The following FAT3 variants were observed in gnomAD, a reference collection of about 807,000 sequenced individuals.
FAT3 encodes FAT atypical cadherin 3, also known as protocadherin Fat 3.
FAT3 carries 95 observed loss-of-function variants against 310.2 expected under a neutral mutation model. The observed-to-expected ratio is 0.31, with a 90% CI of 0.26 to 0.36. The LOEUF is 0.36. FAT3 is among the 10% of genes least tolerant of loss of function. The pLI is 1.00. For missense variants in FAT3, 5,408 were observed against 5,715.6 expected, an observed-to-expected ratio of 0.95 and a Z score of 1.74; for synonymous variants, 2,314 against 2,192.9, an observed-to-expected ratio of 1.06 and a Z score of -1.54.
intron 1 of FAT3, among the ~76,000 whole-genome samples, chr11:92,286,331 T>G (rs141755812): frequency 1.3e-5 from 2 of 152,258 alleles, no homozygotes; most frequent in East Asian, 3.9e-4. Context: ...ATTCCAAATT[T>G]CATGTTGCAG....
intron 1 of FAT3, among the ~76,000 whole-genome samples, chr11:92,339,901 A>G (rs1365816272): frequency 2.0e-5 from 3 of 152,094 alleles, no homozygotes; most frequent in Non-Finnish European, 4.4e-5. Context: ...TCACGAGGTC[A>G]GGAGATCGAG....
chr11:92,723,089 G>T (rs1373344441), intron 4 of FAT3, among the ~76,000 whole-genome samples: 1 of 152,106 alleles, frequency 6.6e-6, no homozygotes, highest in Non-Finnish European at 1.5e-5. Context: ...TCAGAAAATG[G>T]GATTTTCTTT....
At chr11:92,696,031 T>C (rs977860239) in intron 3 of FAT3, among the ~76,000 whole-genome samples, 1 of 152,168 alleles carries the variant, frequency 6.6e-6, no homozygotes. Context: ...ATAAGTATTG[T>C]AGGTGATGGA....
At chr11:92,852,874 C>T (rs1218962900) in intron 19 of FAT3, among the ~76,000 whole-genome samples, 2 of 152,178 alleles carry the variant, frequency 1.3e-5, no homozygotes, top group Non-Finnish European at 2.9e-5. Flanking sequence ...AGGCTGAGCT[C>T]CAGTTGCTGG....
chr11:92,781,974 T>C (rs1326772841), intron 7 of FAT3, among the ~76,000 whole-genome samples: 1 of 152,132 alleles, frequency 6.6e-6, no homozygotes, highest in East Asian at 1.9e-4. Flanking sequence ...TGTGATTTTG[T>C]GGTTTTAATG....
intron 3 of FAT3, chr11:92,559,665 T>G (rs1300666641): frequency 6.0e-6 from 1 of 167,306 alleles, no homozygotes; most frequent in Non-Finnish European, 1.3e-5. Flanking sequence ...CATGAGCCAC[T>G]GTGCCCAGCC....
At chr11:92,797,575 G>A (rs2136175699) in intron 9 of FAT3, among the ~76,000 whole-genome samples, 1 of 152,290 alleles carries the variant, frequency 6.6e-6, no homozygotes, top group South Asian at 2.1e-4. Flanking sequence ...ACATAAGACT[G>A]TGTCATTGTC....
chr11:92,464,974 T>A (rs1951725131), intron 2 of FAT3, among the ~76,000 whole-genome samples: 1 of 152,172 alleles, frequency 6.6e-6, no homozygotes, highest in Non-Finnish European at 1.5e-5. Flanking sequence ...TGCATTTTAA[T>A]TTACTATACA....
At chr11:92,616,882 C>T (rs1940837941) in intron 3 of FAT3, among the ~76,000 whole-genome samples, 1 of 152,140 alleles carries the variant, frequency 6.6e-6, no homozygotes, top group Non-Finnish European at 1.5e-5. Flanking sequence ...TCGGTAACCC[C>T]CACCTTTCTC....
At chr11:92,791,402 C>T (rs935024891) in intron 8 of FAT3, among the ~76,000 whole-genome samples, 2 of 152,188 alleles carry the variant, frequency 1.3e-5, no homozygotes, top group African/African-American at 4.8e-5. Context: ...CAGGGAAATT[C>T]AGCATATTCA....
chr11:92,852,924 G>A (rs1441700789), intron 19 of FAT3, among the ~76,000 whole-genome samples: 2 of 152,186 alleles, frequency 1.3e-5, no homozygotes, highest in East Asian at 3.8e-4. Flanking sequence ...CAGGAGATAT[G>A]GGTAAGAAAG....
intron 4 of FAT3, among the ~76,000 whole-genome samples, chr11:92,712,523 G>T (rs1185530379): frequency 1.3e-5 from 2 of 151,996 alleles, no homozygotes; most frequent in African/African-American, 4.8e-5. Context: ...CTTAATGACT[G>T]TTTTTGTTTT....
At position 92,837,646 on chromosome 11, in the gene FAT3, T is replaced by A. The variant is rs11020075; in HGVS notation, c.10225-17T>A. On this transcript the variant is annotated splice_polypyrimidine_tract_variant and intron_variant, in intron 16 of 27. Transcript: ENST00000525166. ...AGCGCTACACCTCTTTACTGTCACC[T>A]CTTTGTACCTTGGCAGGTGTCTGGA... The A allele has an allele frequency of 0.4, 642,649 of 1,610,912 alleles. 129,128 individuals are homozygous for A. Among genetic ancestry groups the A allele is most frequent in the East Asian group, 0.48 (21,602 of 44,776 alleles).
intron 19 of FAT3, among the ~76,000 whole-genome samples, chr11:92,848,084 C>T (rs754458153): frequency 2.0e-5 from 3 of 152,138 alleles, no homozygotes; most frequent in Non-Finnish European, 4.4e-5. Flanking sequence ...GGTAACTGTC[C>T]ACTCTGGGCT....
Position 92,478,934 on chromosome 11 carries a change from C to CTCTTTCTTTCTTTCTTTCTTTCTT in FAT3, c.3293-45679_3293-45678insCTTTCTTTCTTTCTTTCTTTCTTT, listed in dbSNP as rs199741658. Among the ~76,000 whole-genome samples the CTCTTTCTTTCTTTCTTTCTTTCTT allele has an allele frequency of 5.0e-3, 572 of 114,356 alleles. 21 individuals are homozygous for CTCTTTCTTTCTTTCTTTCTTTCTT. Among genetic ancestry groups the CTCTTTCTTTCTTTCTTTCTTTCTT allele is most frequent in the South Asian group, 9.4e-3 (27 of 2,874 alleles). 75.0% of individuals were successfully genotyped at this position (114,356 alleles called of 152,430 possible). ...CCTGGCTGGCTTTCTTTCTTTCCTT[C>CTCTTTCTTTCTTTCTTTCTTTCTT]TCTTTCTTTCTTTCTTTCTTTTCTT... On this transcript the variant is annotated intron_variant, in intron 2 of 27. Coordinates refer to ENST00000525166, the MANE Select transcript of FAT3 (RefSeq NM_001367949.2).
At chr11:92,540,370 T>C (rs1954405817) in intron 3 of FAT3, among the ~76,000 whole-genome samples, 2 of 152,154 alleles carry the variant, frequency 1.3e-5, no homozygotes, top group South Asian at 4.1e-4. Context: ...CTCTCCTGGA[T>C]TGATTGCACT....
intron 1 of FAT3, among the ~76,000 whole-genome samples, chr11:92,348,411 A>G (rs1478323988): frequency 6.6e-6 from 1 of 152,232 alleles, no homozygotes; most frequent in Non-Finnish European, 1.5e-5. Context: ...GAATAGTTAA[A>G]TTGAATGATA....
intron 19 of FAT3, among the ~76,000 whole-genome samples, chr11:92,854,447 AC>A (rs1423306957): frequency 6.6e-6 from 1 of 152,016 alleles, no homozygotes; most frequent in Non-Finnish European, 1.5e-5. Flanking sequence ...GGAGCATGCA[AC>A]CCCAGCCACG....
chr11:92,708,555 A>T (rs1383715212), intron 4 of FAT3, among the ~76,000 whole-genome samples: 1 of 152,270 alleles, frequency 6.6e-6, no homozygotes, highest in Non-Finnish European at 1.5e-5. Flanking sequence ...TTAAGTGTTT[A>T]ATATGTTAGC....
Sources: allele counts gnomAD v4.1 joint callset (sites outside exome capture counted in the v4.1 genomes callset), GRCh38; gene constraint gnomAD v4.1.1; transcripts MANE v1.5; gene names NCBI Gene and HGNC (gene_info 2026-07-23, HGNC 2026-07-21).